Variants in SETD3 observed in about 807,000 individuals in gnomAD.
SETD3 encodes the protein SET domain containing 3, actin N3(tau)-histidine methyltransferase.
Under a neutral mutation model 63.0 loss-of-function variants are expected in SETD3, and 19 were observed. The observed-to-expected ratio is 0.30, with a 90% CI of 0.21 to 0.44. The LOEUF (loss-of-function observed/expected upper bound fraction) is 0.44, where lower values mean the gene tolerates loss of function less well. SETD3 is among the 20% of genes least tolerant of loss of function. SETD3 has a pLI of 1.00. For missense variants in SETD3, 587 were observed against 728.5 expected (o/e 0.81, Z 2.24); for synonymous variants, 286 against 264.1 (o/e 1.08, Z -0.80).
intron 6 of SETD3, among the ~76,000 whole-genome samples, chr14:99,416,834 C>T (rs1036487458): frequency 2.0e-5 from 3 of 152,124 alleles, no homozygotes; most frequent in Admixed American, 6.5e-5. Context: ...GAACCATTGC[C>T]GTGGCTCATA....
intron 6 of SETD3, among the ~76,000 whole-genome samples, chr14:99,434,945 G>T (rs1054868422): frequency 7.1e-6 from 1 of 140,420 alleles, no homozygotes; most frequent in Non-Finnish European, 1.5e-5. Context: ...AAAATTAAAA[G>T]TTGACAGAAA....
chr14:99,451,524 A>G (rs1894461305), intron 6 of SETD3, among the ~76,000 whole-genome samples: 1 of 152,010 alleles, frequency 6.6e-6, no homozygotes, highest in African/African-American at 2.4e-5. Flanking sequence ...GAGACAGGGT[A>G]TCGCTCTGTC....
In SETD3 at chr14:99,432,442, G is replaced by A. The variant is rs138773818; in HGVS notation, c.676-18508C>T. Among the ~76,000 whole-genome samples, 404 of 152,238 alleles carry A rather than the reference G, an allele frequency of 2.7e-3. 2 individuals carry two copies. Among genetic ancestry groups the A allele is most frequent in the African/African-American group, 9.4e-3 (391 of 41,532 alleles). The stretch of plus-strand genomic sequence containing the variant: ...AGCAGGAAAAAAATCTCTGGTTTCT[G>A]CAAATGCCAAGCCATTTATATTCAC... On this transcript the variant is annotated intron_variant, in intron 6 of 12. Transcript: ENST00000331768.
intron 11 of SETD3, among the ~76,000 whole-genome samples, 191 bp downstream of exon 11, chr14:99,404,034 A>T (rs1297702093): frequency 6.6e-6 from 1 of 152,252 alleles, no homozygotes; most frequent in Non-Finnish European, 1.5e-5. Flanking sequence ...CTGACAACAC[A>T]TCGAGGATTT....
Position 99,442,732 on chromosome 14 carries a change from C to T in SETD3, c.675+15547G>A, listed in dbSNP as rs560984860. Among the ~76,000 whole-genome samples, 11 of 152,276 alleles carry T rather than the reference C, an allele frequency of 7.2e-5. No individual in the cohort carries two copies. In the South Asian group the frequency reaches 1.2e-3, roughly 17 times the overall value. ...AACATATGTGTTAATCAACTGTTTGCGTTACTGGTAAGGCCTCTGGTCAAC... is the reference window on the plus strand; with the variant it reads ...AACATATGTGTTAATCAACTGTTTGTGTTACTGGTAAGGCCTCTGGTCAAC... On this transcript the variant is annotated intron_variant, in intron 6 of 12. Coordinates refer to ENST00000331768, the MANE Select transcript of SETD3 (RefSeq NM_032233.3).
rs1357773690 is a variant in SETD3 at position 99,420,983 on chromosome 14, G to A, written c.676-7049C>T. ...GGGGGGGGGGGGGGGGGGGTGGGAGGTGCAGACAAGCTACTGCTGTCTTCT... is the reference window on the plus strand; with the variant it reads ...GGGGGGGGGGGGGGGGGGGTGGGAGATGCAGACAAGCTACTGCTGTCTTCT... On this transcript the variant is annotated intron_variant, in intron 6 of 12. Coordinates refer to ENST00000331768, the MANE Select transcript of SETD3 (RefSeq NM_032233.3). 1.7e-3 allele frequency among the ~76,000 whole-genome samples: 166 copies of A among 97,616 alleles called. 4 individuals are homozygous for A. Among genetic ancestry groups the A allele is most frequent in the Non-Finnish European group, 2.9e-3 (143 of 49,048 alleles). The allele number at this position is 97,616 out of a possible 152,430, so 64.0% of individuals were successfully genotyped here.
At chr14:99,427,301 A>T (rs1892934570) in intron 6 of SETD3, among the ~76,000 whole-genome samples, 2 of 152,206 alleles carry the variant, frequency 1.3e-5, no homozygotes, top group Admixed American at 6.5e-5. Context: ...TTACCCCATC[A>T]TAAGGATAAC....
intron 6 of SETD3, among the ~76,000 whole-genome samples, chr14:99,416,236 C>CA (rs907439353): frequency 2.7e-5 from 4 of 150,494 alleles, no homozygotes; most frequent in African/African-American, 7.3e-5. Context: ...TAAAAACAAA[C>CA]AAAAAAAAAC....
chr14:99,436,388 T>C (rs1391192487), intron 6 of SETD3, among the ~76,000 whole-genome samples: 1 of 152,030 alleles, frequency 6.6e-6, no homozygotes, highest in Non-Finnish European at 1.5e-5. Flanking sequence ...AGAAACAGGG[T>C]CTTCTGCATT....
chr14:99,434,904 C>CATTATGTA (rs1893394914), intron 6 of SETD3, among the ~76,000 whole-genome samples: 1 of 134,310 alleles, frequency 7.4e-6, no homozygotes, highest in South Asian at 2.6e-4. Context: ...ACATGTATTT[C>CATTATGTA]ATTATGTACA....
At chr14:99,473,670 T>C (rs1048157072) in intron 1 of SETD3, among the ~76,000 whole-genome samples, 2 of 152,040 alleles carry the variant, frequency 1.3e-5, no homozygotes, top group Non-Finnish European at 1.5e-5. Context: ...CTCGAGAGAG[T>C]GTGAGGGCCT....
intron 6 of SETD3, among the ~76,000 whole-genome samples, chr14:99,431,894 C>A (rs979473213): frequency 1.3e-5 from 2 of 152,212 alleles, no homozygotes; most frequent in African/African-American, 2.4e-5. Context: ...CACTCTACCA[C>A]CACAAATTCT....
intron 8 of SETD3, among the ~76,000 whole-genome samples, chr14:99,408,468 G>A (rs1891802423): frequency 6.6e-6 from 1 of 152,122 alleles, no homozygotes; most frequent in Non-Finnish European, 1.5e-5. Flanking sequence ...CTCCCAGGAG[G>A]GAGTCCAGGC....
At chr14:99,438,184 CTCTT>C (rs1306249208) in intron 6 of SETD3, among the ~76,000 whole-genome samples, 1 of 152,190 alleles carries the variant, frequency 6.6e-6, no homozygotes, top group Non-Finnish European at 1.5e-5. Context: ...TTGAAATCTG[CTCTT>C]TCTGACAGCT....
intron 6 of SETD3, among the ~76,000 whole-genome samples, chr14:99,438,005 G>C (rs1250937230): frequency 1.3e-5 from 2 of 152,142 alleles, no homozygotes; most frequent in East Asian, 3.8e-4. Context: ...GACCACACAA[G>C]AACAAGGACT....
intron 6 of SETD3, among the ~76,000 whole-genome samples, chr14:99,437,612 A>AG (rs1893556892): frequency 6.6e-6 from 1 of 152,222 alleles, no homozygotes; most frequent in Non-Finnish European, 1.5e-5. Context: ...AAAAGGCACT[A>AG]GATCAGTGAG....
rs1440217977 is a variant in SETD3 at position 99,398,723 on chromosome 14, C to T, written c.1741G>A (p.Ala581Thr). Residue 581 changes from alanine (A) to threonine (T), a missense_variant, in exon 13 of 13, where the codon GCC becomes ACC. Coordinates refer to ENST00000331768, the MANE Select transcript of SETD3 (RefSeq NM_032233.3). ...GTGCTGTCTGAAGAAGATCCTTTGGCGTCTTCAACTGCTCTTTTACTTTCT... is the reference window on the plus strand; with the variant it reads ...GTGCTGTCTGAAGAAGATCCTTTGGTGTCTTCAACTGCTCTTTTACTTTCT... ...NQESKRAVED[A>T]KGSSSDSTAG... is the part of the protein sequence containing the mutation. The T allele has an allele frequency of 6.8e-6, 11 of 1,614,176 alleles. No homozygotes were observed. Among genetic ancestry groups the T allele is most frequent in the African/African-American group, 2.7e-5 (2 of 75,036 alleles).
At chr14:99,477,426 T>C (rs900447703) in intron 1 of SETD3, among the ~76,000 whole-genome samples, 2 of 152,132 alleles carry the variant, frequency 1.3e-5, no homozygotes, top group Non-Finnish European at 2.9e-5. Context: ...AGATGCTAAT[T>C]TTTTTTTCAA....
Position 99,399,031 on chromosome 14 carries a change from G to A in SETD3, c.1433C>T (p.Ala478Val), listed in dbSNP as rs746592477. 3 of 1,614,144 alleles carry A rather than the reference G, an allele frequency of 1.9e-6. No homozygotes were observed. In the Admixed American group the frequency reaches 5.0e-5, roughly 27 times the overall value. ...CCGGTTGACAGCTGCACTCTTTACT[G>A]CTTTTTCCAAAATCTCTTTCTCACC... ...RLGEKEILEKAVKSAAVNREY... is the reference protein window; with the variant it reads ...RLGEKEILEKVVKSAAVNREY... Residue 478 changes from alanine to valine, a missense_variant, in exon 13 of 13, where the codon GCA (alanine) becomes GTA (valine). Physicochemically the swap from Ala to Val is moderately conservative, Grantham distance 64. Coordinates refer to ENST00000331768, the MANE Select transcript of SETD3 (RefSeq NM_032233.3).
Sources: gnomAD v4.1 joint callset for allele counts (sites outside exome capture counted in the v4.1 genomes callset) on GRCh38, gnomAD v4.1.1 for gene constraint, MANE v1.5 for transcripts, NCBI Gene and HGNC (gene_info 2026-07-23, HGNC 2026-07-21) for gene names.